ACER1: variants seen among roughly 807,000 people sequenced by gnomAD.
The protein encoded by ACER1 is alkaline ceramidase 1.
In ACER1, 28 loss-of-function variants were observed where a neutral mutation model predicts 24.9. The ratio of observed to expected loss-of-function variants is 1.13; its 90% confidence interval spans 0.83 to 1.54. ACER1 has a LOEUF of 1.54. Ranked by LOEUF, ACER1 falls within the 40% of genes most tolerant of loss-of-function variation. ACER1 has a pLI of 0.00. For missense variants in ACER1, 352 were observed against 349.3 expected (o/e 1.01, Z -0.06); for synonymous variants, 132 against 131.4 (o/e 1.00, Z -0.03).
the ACER1 span, among the ~76,000 whole-genome samples, chr19:6,344,740 G>T: frequency 1.3e-5 from 2 of 151,624 alleles, no homozygotes; most frequent in Admixed American, 1.3e-4. Flanking sequence ...ATACAAGGGG[G>T]CACAATTGTT....
upstream of ACER1, among the ~76,000 whole-genome samples, chr19:6,336,089 C>G (rs567830757): frequency 6.6e-6 from 1 of 151,786 alleles, no homozygotes; most frequent in Non-Finnish European, 1.5e-5. Context: ...TTAGTAGAGA[C>G]GGGGTTTCAC....
At chr19:6,330,420 G>A (rs2091681468) in intron 1 of ACER1, among the ~76,000 whole-genome samples, 1 of 150,048 alleles carries the variant, frequency 6.7e-6, no homozygotes, top group South Asian at 2.1e-4. Context: ...TACCTGCCTC[G>A]GCCTCCCAAA....
chr19:6,319,568 C>T (rs2091620132), intron 1 of ACER1, among the ~76,000 whole-genome samples: 1 of 152,024 alleles, frequency 6.6e-6, no homozygotes, highest in African/African-American at 2.4e-5. Context: ...ACTATGTGCT[C>T]AAGGACCATA....
the ACER1 span, among the ~76,000 whole-genome samples, chr19:6,359,267 A>G: frequency 6.6e-6 from 1 of 151,974 alleles, no homozygotes. Context: ...ACTGCTTGGT[A>G]AACTTCTTAT....
At chr19:6,350,659 G>A in the ACER1 span, among the ~76,000 whole-genome samples, 1 of 150,448 alleles carries the variant, frequency 6.6e-6, no homozygotes, top group African/African-American at 2.4e-5. Flanking sequence ...GGCAGGGAGG[G>A]AAGGATGGAA....
chr19:6,326,604 A>G (rs2145014690), intron 1 of ACER1, among the ~76,000 whole-genome samples: 2 of 151,926 alleles, frequency 1.3e-5, no homozygotes, highest in South Asian at 4.2e-4. Context: ...TTCAGCAAGC[A>G]GAGACCTTAT....
chr19:6,333,415 G>A (rs770236761), intron 1 of ACER1, 44 bp downstream of exon 1: 9 of 1,487,788 alleles, frequency 6.0e-6, no homozygotes, highest in African/African-American at 4.2e-5. Context: ...ACCGGGATTC[G>A]AACCGGCATC....
At chr19:6,312,062 G>A (rs1379442787) in intron 3 of ACER1, 87 bp downstream of exon 3, 3 of 1,496,240 alleles carry the variant, frequency 2.0e-6, no homozygotes, top group African/African-American at 2.8e-5. Flanking sequence ...GGTCAAGGGT[G>A]GGGACCCAGG....
the ACER1 span, among the ~76,000 whole-genome samples, chr19:6,355,992 C>T: frequency 6.6e-6 from 1 of 151,732 alleles, no homozygotes; most frequent in East Asian, 1.9e-4. Context: ...TCATTGAGAA[C>T]GGGCCATGAT....
chr19:6,307,398 G>A lies in ACER1; in HGVS notation c.489-108C>T, dbSNP rs1317543368. On this transcript the variant is annotated intron_variant, in intron 4 of 5. Coordinates refer to ENST00000301452, the MANE Select transcript of ACER1 (RefSeq NM_133492.3). The stretch of plus-strand genomic sequence containing the variant: ...GATGAGGCTCAGAGGTTGGGAGAAG[G>A]GAAAGAGCAGGAATTGAGGGTGCAA... 6 of 1,296,068 alleles carry A rather than the reference G, an allele frequency of 4.6e-6. No individual in the cohort carries two copies. In the Admixed American group the frequency reaches 1.5e-4, roughly 32 times the overall value. 80.3% of individuals were successfully genotyped at this position (1,296,068 alleles called of 1,614,324 possible).
At chr19:6,349,872 T>G in the ACER1 span, among the ~76,000 whole-genome samples, 2 of 152,140 alleles carry the variant, frequency 1.3e-5, no homozygotes, top group African/African-American at 2.4e-5. Context: ...GGTTGGCGCC[T>G]GTAATCCCAA....
the ACER1 span, among the ~76,000 whole-genome samples, chr19:6,339,768 C>T: frequency 2.0e-5 from 3 of 151,902 alleles, no homozygotes; most frequent in Admixed American, 6.6e-5. Context: ...CCCGGGTTCA[C>T]GCCATTCTCC....
At chr19:6,347,238 T>TTGG in the ACER1 span, among the ~76,000 whole-genome samples, 1 of 147,280 alleles carries the variant, frequency 6.8e-6, no homozygotes, top group African/African-American at 2.5e-5. Flanking sequence ...TTTTTTTTTT[T>TTGG]GAGACAGAAT....
intron 1 of ACER1, among the ~76,000 whole-genome samples, chr19:6,313,319 C>G (rs987383515): frequency 2.6e-5 from 4 of 152,090 alleles, no homozygotes; most frequent in Non-Finnish European, 4.4e-5. Context: ...AGGGGTCTCA[C>G]TATGTCACCC....
At chr19:6,330,015 C>T (rs1568313429) in intron 1 of ACER1, among the ~76,000 whole-genome samples, 3 of 151,346 alleles carry the variant, frequency 2.0e-5, no homozygotes, top group Non-Finnish European at 2.9e-5. Flanking sequence ...GGACCACAGG[C>T]GCCCGCCACC....
intron 1 of ACER1, among the ~76,000 whole-genome samples, chr19:6,324,343 C>G (rs1340119551): frequency 5.4e-5 from 8 of 148,996 alleles, no homozygotes; most frequent in Non-Finnish European, 8.9e-5. Flanking sequence ...CGCACTTGGC[C>G]TCTTTTTAAT....
At position 6,306,885 on chromosome 19, in the gene ACER1, G is replaced by C. The variant is rs78639524; in HGVS notation, c.627-3C>G. ...AGGTGATGCTGATGAGCACATGCCT[G>C]TGGAGTGCAGGGCGAAGGTGGCGAG... On this transcript the variant is annotated splice_region_variant and splice_polypyrimidine_tract_variant and intron_variant, in intron 5 of 5. Transcript: ENST00000301452. 9 of 1,610,690 alleles carry C rather than the reference G, an allele frequency of 5.6e-6. No homozygotes were observed. Among genetic ancestry groups the C allele is most frequent in the Non-Finnish European group, 7.6e-6 (9 of 1,177,850 alleles).
chr19:6,352,269 A>G, the ACER1 span, among the ~76,000 whole-genome samples: 1 of 152,050 alleles, frequency 6.6e-6, no homozygotes, highest in Non-Finnish European at 1.5e-5. Context: ...GCTCTGACCA[A>G]TGGAATGTGG....
intron 1 of ACER1, among the ~76,000 whole-genome samples, chr19:6,327,255 AC>A (rs1255878590): frequency 3.9e-5 from 6 of 152,226 alleles, no homozygotes; most frequent in Admixed American, 3.9e-4. Context: ...ACCTGGTGAA[AC>A]CCTGTCTCTG....
Sources: gnomAD v4.1 joint callset for allele counts (sites outside exome capture counted in the v4.1 genomes callset) on GRCh38, gnomAD v4.1.1 for gene constraint, MANE v1.5 for transcripts, NCBI Gene and HGNC (gene_info 2026-07-23, HGNC 2026-07-21) for gene names.